Variants in PLD1 observed in about 807,000 individuals in gnomAD.
The protein encoded by PLD1 is choline phosphatase 1.
PLD1 carries 112 observed loss-of-function variants against 137.1 expected under a neutral mutation model. That is an observed-to-expected ratio of 0.82 (90% confidence interval 0.70 to 0.96). PLD1 has a LOEUF of 0.96. PLD1 is among the 40% of genes least tolerant of loss of function. The pLI is 0.00. For synonymous variants in PLD1, 431 were observed against 454.7 expected (o/e 0.95, Z 0.66); for missense variants, 1,321 against 1,342.0 (o/e 0.98, Z 0.24).
At chr3:171,757,100 A>T (rs1300830833) in intron 1 of PLD1, among the ~76,000 whole-genome samples, 3 of 152,200 alleles carry the variant, frequency 2.0e-5, no homozygotes, top group Non-Finnish European at 4.4e-5. Context: ...TGCCTATACT[A>T]AAAAGAAAAG....
chr3:171,625,111 G>A (rs1205074975), intron 23 of PLD1, among the ~76,000 whole-genome samples: 1 of 152,090 alleles, frequency 6.6e-6, no homozygotes, highest in East Asian at 1.9e-4. Context: ...AAAGAAAGGG[G>A]TGACAGATGG....
intron 21 of PLD1, chr3:171,653,198 G>T (rs897870391): frequency 6.6e-6 from 1 of 152,134 alleles, no homozygotes; most frequent in Non-Finnish European, 1.5e-5. Flanking sequence ...ACTGAATGAG[G>T]TAACACAGGT....
chr3:171,688,752 T>TC lies in PLD1; in HGVS notation c.1462dup (p.Asp488GlyfsTer4). The TC allele has an allele frequency of 6.2e-7, 1 of 1,614,162 alleles. No individual in the cohort carries two copies. The highest frequency in any genetic ancestry group is 1.7e-4 in the Middle Eastern group (1 of 6,060). ...GTCTGTGAGTCTGTGCTCATTGTCG[T>TC]CCCACCTTCCATAGGCCAGGTCAAT... On this transcript the variant is annotated frameshift_variant, in exon 14 of 27. Transcript: ENST00000351298. LOFTEE classifies it high-confidence loss of function.
intron 1 of PLD1, chr3:171,809,506 T>C (rs1724024081): frequency 6.6e-6 from 1 of 152,246 alleles, no homozygotes; most frequent in South Asian, 2.1e-4. Context: ...GGCTGGCTGA[T>C]AAAGTTAACG....
intron 18 of PLD1, among the ~76,000 whole-genome samples, chr3:171,676,509 T>C (rs1713364664): frequency 6.6e-6 from 1 of 152,006 alleles, no homozygotes; most frequent in Admixed American, 6.5e-5. Flanking sequence ...CACTCTGAAT[T>C]GTCTATGGTG....
chr3:171,708,899 T>G (rs754984839), intron 10 of PLD1, 61 bp from the exon 11 acceptor site: 91 of 1,112,116 alleles, frequency 8.2e-5, no homozygotes, highest in Admixed American at 2.2e-4. Context: ...GAAACTTATC[T>G]TATGGTAAAG....
chr3:171,761,952 G>A (rs1265687966), intron 1 of PLD1, among the ~76,000 whole-genome samples: 1 of 152,122 alleles, frequency 6.6e-6, no homozygotes, highest in Non-Finnish European at 1.5e-5. Flanking sequence ...AACTGCAAAG[G>A]TCTCAGATTA....
intron 1 of PLD1, among the ~76,000 whole-genome samples, chr3:171,802,130 A>G (rs1273408657): frequency 2.0e-5 from 3 of 152,248 alleles, no homozygotes; most frequent in Non-Finnish European, 4.4e-5. Flanking sequence ...ACCAGGGTTC[A>G]CACTAACATC....
chr3:171,611,855 G>A (rs559584055), intron 25 of PLD1, among the ~76,000 whole-genome samples: 1 of 152,280 alleles, frequency 6.6e-6, no homozygotes, highest in African/African-American at 2.4e-5. Flanking sequence ...CAAGGCAGGA[G>A]GATCACTTAA....
intron 17 of PLD1, among the ~76,000 whole-genome samples, 169 bp from the exon 18 acceptor site, chr3:171,677,002 A>G (rs565011362): frequency 6.6e-6 from 1 of 152,386 alleles, no homozygotes; most frequent in African/African-American, 2.4e-5. Context: ...CAGATTTCAC[A>G]TTCAGGGACA....
At chr3:171,779,868 G>C (rs1462140085) in intron 1 of PLD1, among the ~76,000 whole-genome samples, 2 of 151,920 alleles carry the variant, frequency 1.3e-5, no homozygotes, top group Non-Finnish European at 2.9e-5. Flanking sequence ...GGATACATAA[G>C]TCTAACATTC....
intron 24 of PLD1, among the ~76,000 whole-genome samples, chr3:171,614,423 A>G (rs147139962): frequency 1.3e-5 from 2 of 152,248 alleles, no homozygotes; most frequent in Non-Finnish European, 2.9e-5. Context: ...AAATTGAGAT[A>G]ATAATATAGA....
At chr3:171,743,684 C>A (rs193121620) in intron 1 of PLD1, among the ~76,000 whole-genome samples, 1 of 152,320 alleles carries the variant, frequency 6.6e-6, no homozygotes, top group African/African-American at 2.4e-5. Context: ...CGGGCTCACA[C>A]ACAGCATTTT....
chr3:171,767,944 A>G (rs1722086151), intron 1 of PLD1, among the ~76,000 whole-genome samples: 1 of 131,926 alleles, frequency 7.6e-6, no homozygotes, highest in South Asian at 2.4e-4. Flanking sequence ...CTCTGCCTCA[A>G]AAAAAAAGAG....
At chr3:171,787,926 G>A (rs141052878) in intron 1 of PLD1, among the ~76,000 whole-genome samples, 15 of 151,916 alleles carry the variant, frequency 9.9e-5, no homozygotes, top group Admixed American at 7.2e-4. Context: ...AAATTCAGCC[G>A]GGTGCAGCAG....
At chr3:171,643,619 G>A (rs894758184) in intron 22 of PLD1, among the ~76,000 whole-genome samples, 6 of 151,962 alleles carry the variant, frequency 3.9e-5, no homozygotes, top group East Asian at 1.9e-4. Flanking sequence ...CAGCTGGTTC[G>A]AAGGCAAGAA....
In PLD1 at chr3:171,688,729, CTG is replaced by C. The variant is rs778311238; in HGVS notation, c.1484_1485del (p.Thr495ArgfsTer33). 1.9e-6 allele frequency: 3 copies of C among 1,614,174 alleles called. No homozygotes were observed. The highest frequency in any genetic ancestry group is 2.5e-6 in the Non-Finnish European group (3 of 1,180,020). On this transcript the variant is annotated frameshift_variant, in exon 14 of 27. Coordinates refer to ENST00000351298, the MANE Select transcript of PLD1 (RefSeq NM_002662.5). LOFTEE classifies it high-confidence loss of function. ...GRWDDNEHRL[T>X]DVGSVKRVTS... Reference sequence around the variant, plus strand: ...GTGACCCGCTTCACACTGCCCACGTCTGTGAGTCTGTGCTCATTGTCGTCCCA... The same window carrying C: ...GTGACCCGCTTCACACTGCCCACGTCTGAGTCTGTGCTCATTGTCGTCCCA...
intron 1 of PLD1, among the ~76,000 whole-genome samples, chr3:171,740,625 C>T (rs775099089): frequency 3.3e-5 from 5 of 152,054 alleles, no homozygotes; most frequent in Admixed American, 6.6e-5. Flanking sequence ...AATACAAAGA[C>T]TACAGTAATC....
chr3:171,780,393 G>C (rs1722751891), intron 1 of PLD1, among the ~76,000 whole-genome samples: 1 of 152,196 alleles, frequency 6.6e-6, no homozygotes, highest in Non-Finnish European at 1.5e-5. Context: ...GAATTCAGGT[G>C]GCTTTAAACG....
Sources: gnomAD v4.1 joint callset for allele counts (sites outside exome capture counted in the v4.1 genomes callset) on GRCh38, gnomAD v4.1.1 for gene constraint, MANE v1.5 for transcripts, NCBI Gene and HGNC (gene_info 2026-07-23, HGNC 2026-07-21) for gene names.